Variants in ANKRD13A observed in about 807,000 individuals in gnomAD.
ANKRD13A encodes the protein ankyrin repeat domain-containing protein 13A.
A neutral mutation model predicts 81.3 loss-of-function variants in ANKRD13A; 48 were observed. The ratio of observed to expected loss-of-function variants is 0.59; its 90% CI spans 0.47 to 0.75. The LOEUF (loss-of-function observed/expected upper bound fraction) is 0.75. Among genes scored for constraint, ANKRD13A ranks in the 30% least tolerant of loss-of-function variants. The probability of loss-of-function intolerance (pLI) is 0.00; values close to 1 mark genes in which losing one functional copy is unlikely to be tolerated. For missense variants in ANKRD13A, 612 were observed against 734.0 expected (o/e 0.83, Z 1.92); for synonymous variants, 230 against 270.1 (o/e 0.85, Z 1.45).
chr12:110,014,803 A>ATTTTTTTTTTTTTTTT, intron 3 of ANKRD13A, among the ~76,000 whole-genome samples: 1 of 103,976 alleles, frequency 9.6e-6, no homozygotes, highest in African/African-American at 8.4e-5. Flanking sequence ...TTTTTTTTTG[A>ATTTTTTTTTTTTTTTT]GACGGAATCT....
chr12:110,000,504 A>G lies in ANKRD13A; in HGVS notation c.96+720A>G, dbSNP rs144066503. The stretch of plus-strand genomic sequence containing the variant: ...ATGCTTTAATCTTTTCATTATTGCT[A>G]TCTCTTTAAAGCAGTAGTGCTCTCA... On this transcript the variant is annotated intron_variant, in intron 1 of 14. Transcript: ENST00000261739. 6.2e-4 allele frequency among the ~76,000 whole-genome samples: 95 copies of G among 152,192 alleles called. 1 individual carries two copies. The East Asian group carries it at 0.015, about 23-fold the overall frequency.
intron 1 of ANKRD13A, among the ~76,000 whole-genome samples, chr12:110,002,900 A>G (rs1419877377): frequency 2.0e-5 from 3 of 152,192 alleles, no homozygotes; most frequent in African/African-American, 7.2e-5. Context: ...CTGTCTCACT[A>G]ATAGCAGGCA....
intron 1 of ANKRD13A, among the ~76,000 whole-genome samples, chr12:110,006,371 CATT>C (rs1220776282): frequency 1.3e-5 from 2 of 152,138 alleles, no homozygotes; most frequent in African/African-American, 4.8e-5. Flanking sequence ...AGTGGCATCT[CATT>C]GTGGTTTTGA....
chr12:110,034,068 A>C, intron 13 of ANKRD13A, 111 bp downstream of exon 13: 2 of 1,153,120 alleles, frequency 1.7e-6, no homozygotes, highest in South Asian at 1.9e-5. Context: ...AGTTTGACAC[A>C]TTCATGGTAT....
chr12:110,012,108 T>C lies in ANKRD13A; in HGVS notation c.200T>C (p.Val67Ala). Reference sequence around the variant, plus strand: ...GTCTTACTCCGACATAAAGCAGATGTGACAAAAGAAAATCGCCAGGGATGG... The same window carrying C: ...GTCTTACTCCGACATAAAGCAGATGCGACAAAAGAAAATCGCCAGGGATGG... ...ARVLLRHKADVTKENRQGWTV... is the reference protein window; with the variant it reads ...ARVLLRHKADATKENRQGWTV... The change falls in exon 2 of 15, where the codon GTG becomes GCG. Residue 67 changes from valine to alanine, a missense_variant. Transcript: ENST00000261739. The C allele has an allele frequency of 6.2e-7, 1 of 1,612,044 alleles. No individual in the cohort carries two copies. The highest frequency in any genetic ancestry group is 1.7e-4 in the Middle Eastern group (1 of 6,056).
At chr12:110,004,929 C>T (rs1338259168) in intron 1 of ANKRD13A, among the ~76,000 whole-genome samples, 1 of 152,072 alleles carries the variant, frequency 6.6e-6, no homozygotes. Flanking sequence ...AACTGAAGCT[C>T]AGGAGGAATT....
chr12:110,028,320 G>A (rs1017255851), intron 9 of ANKRD13A, 192 bp from the exon 10 acceptor site: 89 of 506,282 alleles, frequency 1.8e-4, no homozygotes, highest in South Asian at 5.5e-4. Context: ...TTAAAATGAA[G>A]AAATCCATTA....
Position 110,036,395 on chromosome 12 carries a change from G to A in ANKRD13A, c.1577+67G>A, listed in dbSNP as rs927062850. 28 of 1,498,606 alleles carry A rather than the reference G, an allele frequency of 1.9e-5. No homozygotes were observed. The highest frequency in any genetic ancestry group is 1.5e-4 in the South Asian group (13 of 88,592). 92.8% of individuals were successfully genotyped at this position (1,498,606 alleles called of 1,614,324 possible). A position where few individuals can be genotyped will look rare whatever the true frequency, so the allele number is the denominator to read the frequency against. On this transcript the variant is annotated intron_variant, in intron 14 of 14. Coordinates refer to ENST00000261739, the MANE Select transcript of ANKRD13A (RefSeq NM_033121.2). The surrounding 1 kb of genome is among the most constrained non-coding windows in gnomAD (Gnocchi z 4.6). ...CAGGCCTGGACACAGGCGAGCAGAC[G>A]CGTGGCACTGTGCATTTGGTCCTCA...
intron 10 of ANKRD13A, chr12:110,028,960 A>T: frequency 4.8e-6 from 1 of 207,074 alleles, no homozygotes; most frequent in Non-Finnish European, 9.9e-6. Context: ...CTGGTCTCGA[A>T]CTCCTGACCT....
Position 110,012,092 on chromosome 12 carries a change from CGACATAAAGCA to C in ANKRD13A, c.187_197del (p.His63CysfsTer14). ...TTTGGAATCTGCTCGAGTCTTACTC[CGACATAAAGCA>C]GATGTGACAAAAGAAAATCGCCAGG... On this transcript the variant is annotated frameshift_variant, in exon 2 of 15. Coordinates refer to ENST00000261739, the MANE Select transcript of ANKRD13A (RefSeq NM_033121.2). LOFTEE classifies it high-confidence loss of function. The C allele has an allele frequency of 6.2e-7, 1 of 1,612,412 alleles. No individual in the cohort carries two copies. The highest frequency in any genetic ancestry group is 1.3e-5 in the African/African-American group (1 of 74,926).
chr12:110,034,139 A>G (rs1891878804), intron 13 of ANKRD13A, among the ~76,000 whole-genome samples, 182 bp downstream of exon 13: 1 of 152,234 alleles, frequency 6.6e-6, no homozygotes, highest in Non-Finnish European at 1.5e-5. Context: ...GTAAGAGACC[A>G]TCTACATAAT....
At chr12:110,028,228 C>G in intron 9 of ANKRD13A, 1 of 355,896 alleles carries the variant, frequency 2.8e-6, no homozygotes, top group Non-Finnish European at 5.1e-6. Flanking sequence ...TCTTCCAAGT[C>G]TCATGCACTT....
intron 8 of ANKRD13A, 125 bp downstream of exon 8, chr12:110,025,948 T>A (rs1395025012): frequency 6.8e-6 from 5 of 732,554 alleles, no homozygotes; most frequent in Non-Finnish European, 6.5e-6. Flanking sequence ...AACCCTAACT[T>A]CTTCTCTCTC....
chr12:110,027,565 A>G (rs1891413940), intron 8 of ANKRD13A, 140 bp from the exon 9 acceptor site: 3 of 765,278 alleles, frequency 3.9e-6, no homozygotes. Flanking sequence ...GTTTATGGTT[A>G]TTGTGAATGA....
chr12:110,007,639 C>T (rs1026744507), intron 1 of ANKRD13A, among the ~76,000 whole-genome samples: 1 of 152,220 alleles, frequency 6.6e-6, no homozygotes, highest in African/African-American at 2.4e-5. Flanking sequence ...CTCAGCCTCC[C>T]CAAGTGCTGG....
At position 109,999,947 on chromosome 12, in the gene ANKRD13A, C is replaced by T. The variant is rs1422635362; in HGVS notation, c.96+163C>T. ...CTAATAATAGGACACGTATCGAGTGCTTACCGTGCGACGGGCTTTTTAAAT... is the reference window on the plus strand; with the variant it reads ...CTAATAATAGGACACGTATCGAGTGTTTACCGTGCGACGGGCTTTTTAAAT... On this transcript the variant is annotated intron_variant, in intron 1 of 14. Coordinates refer to ENST00000261739, the MANE Select transcript of ANKRD13A (RefSeq NM_033121.2). The surrounding 1 kb of genome is among the most constrained non-coding windows in gnomAD (Gnocchi z 4.3). Among the ~76,000 whole-genome samples the T allele has an allele frequency of 2.0e-5, 3 of 152,220 alleles. No homozygotes were observed. Among genetic ancestry groups the T allele is most frequent in the Non-Finnish European group, 4.4e-5 (3 of 68,046 alleles).
chr12:110,038,187 A>T lies in ANKRD13A; in HGVS notation c.*633A>T, dbSNP rs1892180967. The T allele has an allele frequency of 6.5e-6, 1 of 152,698 alleles. No homozygotes were observed. Among genetic ancestry groups the T allele is most frequent in the Admixed American group, 6.5e-5 (1 of 15,286 alleles). The allele number at this position is 152,698 out of a possible 1,614,324, so 9.5% of individuals were successfully genotyped here. A position where few individuals can be genotyped will look rare whatever the true frequency, so the allele number is the denominator to read the frequency against. On this transcript the variant is annotated 3_prime_UTR_variant, in exon 15 of 15. Transcript: ENST00000261739. ...TATTGTTAACTATTTGCATCAAATT[A>T]AGATACACAAATGGCCATGGATGTT... is the stretch of plus-strand genomic sequence containing the variant.
At position 109,999,937 on chromosome 12, in the gene ANKRD13A, G is replaced by A. The variant is rs1301675913; in HGVS notation, c.96+153G>A. 6.6e-6 allele frequency among the ~76,000 whole-genome samples: 1 copy of A among 152,202 alleles called. No homozygotes were observed. Among genetic ancestry groups the A allele is most frequent in the Non-Finnish European group, 1.5e-5 (1 of 68,038 alleles). On this transcript the variant is annotated intron_variant, in intron 1 of 14. Coordinates refer to ENST00000261739, the MANE Select transcript of ANKRD13A (RefSeq NM_033121.2). This position sits in a 1 kb window ranked among gnomAD's most constrained non-coding sequence, Gnocchi z 4.3. ...TGGGACAGTCCTAATAATAGGACACGTATCGAGTGCTTACCGTGCGACGGG... is the reference window on the plus strand; with the variant it reads ...TGGGACAGTCCTAATAATAGGACACATATCGAGTGCTTACCGTGCGACGGG...
At chr12:110,003,637 T>C (rs1890094875) in intron 1 of ANKRD13A, among the ~76,000 whole-genome samples, 1 of 152,212 alleles carries the variant, frequency 6.6e-6, no homozygotes, top group Non-Finnish European at 1.5e-5. Flanking sequence ...ACTTCCTGCA[T>C]GCCAGGTACC....
Sources: gnomAD v4.1 joint callset for allele counts (sites outside exome capture counted in the v4.1 genomes callset) on GRCh38, gnomAD v4.1.1 for gene constraint, Gnocchi (gnomAD v3.1) non-coding constraint, MANE v1.5 for transcripts, NCBI Gene and HGNC (gene_info 2026-07-23, HGNC 2026-07-21) for gene names.